Variants in PDE4D observed in about 807,000 individuals in gnomAD.
PDE4D encodes the protein 3',5'-cyclic-AMP phosphodiesterase 4D.
PDE4D carries 24 observed loss-of-function variants against 87.4 expected under a neutral mutation model. That is an observed-to-expected ratio of 0.27 (90% CI 0.20 to 0.39). The LOEUF (loss-of-function observed/expected upper bound fraction) is 0.39. PDE4D is among the 10% of genes least tolerant of loss of function. The probability of loss-of-function intolerance (pLI) is 1.00; values close to 1 mark genes in which losing one functional copy is unlikely to be tolerated. For missense variants in PDE4D, 714 were observed against 1,041.0 expected (o/e 0.69, Z 4.32); for synonymous variants, 384 against 383.2 (o/e 1.00, Z -0.02).
Position 60,048,526 on chromosome 5 carries a change from G to A in PDE4D, c.43-59809C>T, listed in dbSNP as rs568513753. ...TACCATTTGTTCCTCTCCATGTTTA[G>A]TGCTTCCTTCAGGAGCTCTTTTAGG... On this transcript the variant is annotated intron_variant, in intron 2 of 16. Transcript: ENST00000502484. 1.4e-3 allele frequency among the ~76,000 whole-genome samples: 218 copies of A among 152,130 alleles called. 2 individuals are homozygous for A. The highest frequency in any genetic ancestry group is 3.1e-3 in the South Asian group (15 of 4,818).
chr5:59,218,041 T>A, intron 1 of PDE4D: 1 of 474,042 alleles, frequency 2.1e-6, no homozygotes, highest in Non-Finnish European at 4.2e-6. Flanking sequence ...TTAAGAAGGT[T>A]TTTGAAGGTA....
intron 1 of PDE4D, among the ~76,000 whole-genome samples, chr5:60,430,453 C>A (rs909009540): frequency 6.6e-5 from 10 of 151,720 alleles, no homozygotes; most frequent in African/African-American, 2.4e-4. Context: ...GCATGCCATT[C>A]CCCCAGATAT....
intron 1 of PDE4D, among the ~76,000 whole-genome samples, chr5:59,465,504 T>C (rs1054040579): frequency 7.2e-5 from 11 of 152,232 alleles, no homozygotes; most frequent in African/African-American, 2.7e-4. Context: ...GTATATTTAC[T>C]ACACAACACT....
At chr5:60,321,059 T>C (rs1455449010) in intron 1 of PDE4D, among the ~76,000 whole-genome samples, 2 of 152,162 alleles carry the variant, frequency 1.3e-5, no homozygotes, top group African/African-American at 4.8e-5. Flanking sequence ...CATTTTAAAA[T>C]TCATATGGAA....
At chr5:59,259,419 C>T (rs991869240) in intron 1 of PDE4D, among the ~76,000 whole-genome samples, 1 of 151,920 alleles carries the variant, frequency 6.6e-6, no homozygotes. Context: ...TCTATGTTTT[C>T]CTACAGCCTA....
At chr5:59,700,867 G>A (rs1752459838) in intron 1 of PDE4D, among the ~76,000 whole-genome samples, 1 of 152,164 alleles carries the variant, frequency 6.6e-6, no homozygotes, top group Admixed American at 6.5e-5. Context: ...AAGCCTATGT[G>A]ATGTTTTGCC....
intron 1 of PDE4D, among the ~76,000 whole-genome samples, chr5:59,298,782 A>T (rs550368382): frequency 4.6e-5 from 7 of 152,320 alleles, no homozygotes; most frequent in African/African-American, 1.4e-4. Context: ...CTTGTAAAAA[A>T]AATTTAAATT....
chr5:59,352,531 C>T (rs1270044023), intron 1 of PDE4D, among the ~76,000 whole-genome samples: 1 of 152,130 alleles, frequency 6.6e-6, no homozygotes, highest in Non-Finnish European at 1.5e-5. Flanking sequence ...GTTGGGCAAT[C>T]ACTGATGTGC....
intron 5 of PDE4D, among the ~76,000 whole-genome samples, chr5:59,070,852 A>G (rs1247610893): frequency 6.6e-6 from 1 of 152,174 alleles, no homozygotes; most frequent in Non-Finnish European, 1.5e-5. Flanking sequence ...TCTCATCCAG[A>G]GGCCTCTTTG....
intron 5 of PDE4D, among the ~76,000 whole-genome samples, chr5:59,157,750 C>G (rs918840262): frequency 2.6e-5 from 4 of 152,172 alleles, no homozygotes; most frequent in Non-Finnish European, 5.9e-5. Context: ...CCCTCCAATT[C>G]TTGCTCCAGG....
At chr5:59,832,289 C>G (rs1561734243) in intron 1 of PDE4D, among the ~76,000 whole-genome samples, 1 of 152,076 alleles carries the variant, frequency 6.6e-6, no homozygotes, top group African/African-American at 2.4e-5. Context: ...TGCCAGACCT[C>G]TAATTCACTA....
At chr5:59,850,505 T>C (rs1744514230) in intron 1 of PDE4D, among the ~76,000 whole-genome samples, 1 of 152,100 alleles carries the variant, frequency 6.6e-6, no homozygotes, top group Admixed American at 6.6e-5. Context: ...CTATTATCTG[T>C]CGTTCTTATT....
chr5:59,974,023 T>C (rs1761053196), intron 3 of PDE4D, among the ~76,000 whole-genome samples: 1 of 152,176 alleles, frequency 6.6e-6, no homozygotes, highest in Non-Finnish European at 1.5e-5. Flanking sequence ...GCAAATAATA[T>C]GTTACATCCA....
intron 1 of PDE4D, among the ~76,000 whole-genome samples, chr5:60,356,489 C>T (rs1267024944): frequency 6.6e-6 from 1 of 152,142 alleles, no homozygotes; most frequent in South Asian, 2.1e-4. Context: ...AGCATATTCA[C>T]ATCTGAATGA....
chr5:60,013,200 A>G (rs1365119888), intron 2 of PDE4D, among the ~76,000 whole-genome samples: 1 of 152,068 alleles, frequency 6.6e-6, no homozygotes, highest in African/African-American at 2.4e-5. Flanking sequence ...TTCTCATATA[A>G]CTGTGATCCC....
At chr5:59,188,902 T>C (rs989493416) in intron 3 of PDE4D, among the ~76,000 whole-genome samples, 3 of 152,158 alleles carry the variant, frequency 2.0e-5, no homozygotes, top group African/African-American at 4.8e-5. Flanking sequence ...GTCCAGAAGA[T>C]AGTAGTTGTA....
intron 6 of PDE4D, among the ~76,000 whole-genome samples, chr5:58,997,936 T>C (rs955293245): frequency 3.9e-5 from 6 of 152,122 alleles, no homozygotes; most frequent in Admixed American, 3.3e-4. Flanking sequence ...TGCTACTGGG[T>C]ATATTATATA....
intron 2 of PDE4D, among the ~76,000 whole-genome samples, chr5:59,999,672 AT>A (rs1398453908): frequency 2.0e-5 from 3 of 152,018 alleles, no homozygotes; most frequent in African/African-American, 7.2e-5. Context: ...ACAGAAAAAA[AT>A]AACTAGGCAC....
chr5:59,228,494 T>C (rs1754369104), intron 1 of PDE4D, among the ~76,000 whole-genome samples: 1 of 151,508 alleles, frequency 6.6e-6, no homozygotes, highest in East Asian at 1.9e-4. Flanking sequence ...TTGCGGGGTG[T>C]TTCTGTCTTT....
Sources: allele counts gnomAD v4.1 joint callset (sites outside exome capture counted in the v4.1 genomes callset), GRCh38; gene constraint gnomAD v4.1.1; transcripts MANE v1.5; gene names NCBI Gene and HGNC (gene_info 2026-07-23, HGNC 2026-07-21).